The following ABHD3 variants were observed in gnomAD, a reference collection of about 807,000 sequenced individuals.
ABHD3 encodes phospholipase ABHD3.
In ABHD3, 46 loss-of-function variants were observed where a neutral mutation model predicts 48.8. The ratio of observed to expected loss-of-function variants is 0.94; its 90% CI spans 0.74 to 1.20. ABHD3 has a LOEUF of 1.20. ABHD3 is among the 50% of genes most tolerant of loss of function. The pLI, the probability that ABHD3 is intolerant of heterozygous loss-of-function variation, is 0.00. For missense variants in ABHD3, 490 were observed against 497.8 expected, an observed-to-expected ratio of 0.98 and a Z score of 0.15; for synonymous variants, 192 against 183.7, an observed-to-expected ratio of 1.04 and a Z score of -0.36.
intron 6 of ABHD3, 64 bp from the exon 7 acceptor site, chr18:21,657,216 C>T: frequency 6.8e-7 from 1 of 1,469,710 alleles, no homozygotes; most frequent in Non-Finnish European, 9.1e-7. Flanking sequence ...ACTAAAAGGA[C>T]TTAAAAACAA....
chr18:21,665,673 T>C lies in ABHD3; in HGVS notation c.556-1443A>G, dbSNP rs574307947. Among the ~76,000 whole-genome samples the C allele has an allele frequency of 3.6e-4, 55 of 151,552 alleles. 1 individual carries two copies. The highest frequency in any genetic ancestry group is 3.5e-3 in the Admixed American group (53 of 15,218). On this transcript the variant is annotated intron_variant, in intron 4 of 8. Coordinates refer to ENST00000289119, the MANE Select transcript of ABHD3 (RefSeq NM_138340.5). ...CTAAAAATACAAAAAATTAGCCAGG[T>C]GTGGTGGTGGGCGCTGTAGTCCCAG... is the stretch of plus-strand genomic sequence containing the variant.
intron 4 of ABHD3, among the ~76,000 whole-genome samples, chr18:21,681,028 T>C (rs900245702): frequency 6.6e-6 from 1 of 151,934 alleles, no homozygotes; most frequent in African/African-American, 2.4e-5. Flanking sequence ...ACTCCCAGCC[T>C]GTTGTTTCTT....
intron 4 of ABHD3, among the ~76,000 whole-genome samples, chr18:21,665,496 T>A (rs1432055286): frequency 1.3e-5 from 2 of 151,850 alleles, no homozygotes; most frequent in Non-Finnish European, 2.9e-5. Flanking sequence ...CATCTTGGCC[T>A]CCCAAGTAAA....
chr18:21,670,834 G>A (rs1056620778), intron 4 of ABHD3, among the ~76,000 whole-genome samples: 1 of 152,098 alleles, frequency 6.6e-6, no homozygotes, highest in Non-Finnish European at 1.5e-5. Context: ...GAACAACATG[G>A]TGAAACCCCC....
At chr18:21,683,473 T>C in intron 4 of ABHD3, 1 of 470,292 alleles carries the variant, frequency 2.1e-6, no homozygotes, top group Non-Finnish European at 4.4e-6. Flanking sequence ...TATTAGTTAA[T>C]TTGTTTTGCA....
chr18:21,683,860 T>C (rs2040064953), intron 4 of ABHD3, 60 bp downstream of exon 4: 1 of 1,455,700 alleles, frequency 6.9e-7, no homozygotes, highest in Non-Finnish European at 9.3e-7. Context: ...ATGCTTTTTG[T>C]TATAAAACTA....
intron 8 of ABHD3, among the ~76,000 whole-genome samples, chr18:21,656,447 C>T (rs1336238385): frequency 6.6e-6 from 1 of 152,162 alleles, no homozygotes; most frequent in African/African-American, 2.4e-5. Context: ...TTCAAAGCCA[C>T]TGTGTTTATA....
chr18:21,700,850 T>A (rs374827336), intron 3 of ABHD3, among the ~76,000 whole-genome samples: 2,115 of 71,088 alleles, frequency 0.03, 57 homozygotes, highest in African/African-American at 0.08. Flanking sequence ...AAAAAAAAAA[T>A]GGAACCAGGC....
chr18:21,659,851 G>T (rs1254018522), intron 5 of ABHD3, among the ~76,000 whole-genome samples: 1 of 151,912 alleles, frequency 6.6e-6, no homozygotes, highest in African/African-American at 2.4e-5. Flanking sequence ...TGTATTTTTA[G>T]TGGAGACGGG....
chr18:21,698,910 G>T (rs2146337381), intron 3 of ABHD3, among the ~76,000 whole-genome samples: 1 of 151,588 alleles, frequency 6.6e-6, no homozygotes, highest in Non-Finnish European at 1.5e-5. Context: ...GACCCACTTT[G>T]TGCAGGGCAC....
intron 4 of ABHD3, 123 bp from the exon 5 acceptor site, chr18:21,664,353 C>T: frequency 1.2e-6 from 1 of 830,666 alleles, no homozygotes; most frequent in Non-Finnish European, 1.8e-6. Flanking sequence ...TTTGCACATA[C>T]TGTAGTATTA....
In ABHD3 at chr18:21,664,162, C is replaced by T. The variant is rs1468212912; in HGVS notation, c.624G>A (p.Leu208=). 6.2e-7 allele frequency: 1 copy of T among 1,614,102 alleles called. No homozygotes were observed. Among genetic ancestry groups the T allele is most frequent in the Non-Finnish European group, 8.5e-7 (1 of 1,180,022 alleles). ...LETVIHHVHS[L]YPSAPFLAAG... is the part of the protein sequence containing the mutation. The stretch of plus-strand genomic sequence containing the variant: ...CTGCCAGGAAAGGAGCAGAAGGGTA[C>T]AGGCTGTGTACATGGTGAATAACTG... The change falls in exon 5 of 9, where the codon CTG becomes CTA. Residue 208 remains leucine, a synonymous_variant. Transcript: ENST00000289119.
chr18:21,703,579 C>CT lies in ABHD3; in HGVS notation c.326+4dup. 2 of 1,589,704 alleles carry CT rather than the reference C, an allele frequency of 1.3e-6. No individual in the cohort carries two copies. The highest frequency in any genetic ancestry group is 1.7e-6 in the Non-Finnish European group (2 of 1,162,238). ...AGAAATGACTGAAAACGGAAATTCA[C>CT]TTACTTCCTGTACTGCACCGGGGGC... is the stretch of plus-strand genomic sequence containing the variant. On this transcript the variant is annotated splice_donor_region_variant and intron_variant, in intron 2 of 8. Coordinates refer to ENST00000289119, the MANE Select transcript of ABHD3 (RefSeq NM_138340.5).
chr18:21,652,612 TA>T (rs1419454508), intron 8 of ABHD3, among the ~76,000 whole-genome samples: 1 of 151,434 alleles, frequency 6.6e-6, no homozygotes, highest in Non-Finnish European at 1.5e-5. Context: ...ACGTCTCTAC[TA>T]AAAATACAAA....
At chr18:21,694,334 C>G (rs528428420) in intron 3 of ABHD3, among the ~76,000 whole-genome samples, 1 of 152,030 alleles carries the variant, frequency 6.6e-6, no homozygotes, top group Non-Finnish European at 1.5e-5. Context: ...TGACGTCAAG[C>G]GATCCGCCGG....
chr18:21,699,682 T>C (rs933733114), intron 3 of ABHD3, among the ~76,000 whole-genome samples: 1 of 152,118 alleles, frequency 6.6e-6, no homozygotes, highest in African/African-American at 2.4e-5. Flanking sequence ...TTTTGTAATT[T>C]TGTGTGTGTG....
At chr18:21,680,893 C>T (rs866686475) in intron 4 of ABHD3, among the ~76,000 whole-genome samples, 3 of 140,836 alleles carry the variant, frequency 2.1e-5, no homozygotes, top group Non-Finnish European at 1.6e-5. Flanking sequence ...TATATATATA[C>T]ACACACACAT....
chr18:21,651,721 A>G lies in ABHD3; in HGVS notation c.1100T>C (p.Leu367Ser), dbSNP rs1300155961. Residue 367 changes from leucine (L) to serine (S), a missense_variant, in exon 9 of 9, where the codon TTG becomes TCG. Leu to Ser is a moderately radical substitution (Grantham distance 145). Transcript: ENST00000289119. ...ATGGCCTCCATAAGAAGTAAGGACC[A>G]AAGCAACATTAGGATTTTGCTTAGC... ...ETAKQNPNVA[L>S]VLTSYGGHIG... The G allele has an allele frequency of 6.2e-7, 1 of 1,602,956 alleles. No individual in the cohort carries two copies.
intron 3 of ABHD3, among the ~76,000 whole-genome samples, chr18:21,694,276 T>C (rs546448896): frequency 6.6e-6 from 1 of 152,190 alleles, no homozygotes; most frequent in East Asian, 1.9e-4. Flanking sequence ...TTGTATTTTT[T>C]AGTAGGGATG....
Sources: allele counts gnomAD v4.1 joint callset (sites outside exome capture counted in the v4.1 genomes callset), GRCh38; gene constraint gnomAD v4.1.1; transcripts MANE v1.5; gene names NCBI Gene and HGNC (gene_info 2026-07-23, HGNC 2026-07-21).